The following NMNAT2 variants were observed in gnomAD, a reference collection of about 807,000 sequenced individuals.
The protein encoded by NMNAT2 is nicotinamide/nicotinic acid mononucleotide adenylyltransferase 2.
In NMNAT2, 11 loss-of-function variants were observed where a neutral mutation model predicts 41.6. The ratio of observed to expected loss-of-function variants is 0.26; its 90% CI spans 0.17 to 0.44. NMNAT2 has a LOEUF of 0.44. Among genes scored for constraint, NMNAT2 ranks in the 20% least tolerant of loss-of-function variants. The probability of loss-of-function intolerance (pLI) is 1.00; values close to 1 mark genes in which losing one functional copy is unlikely to be tolerated. For missense variants in NMNAT2, 288 were observed against 407.7 expected (o/e 0.71, Z 2.53); for synonymous variants, 148 against 151.2 (o/e 0.98, Z 0.16).
intron 10 of NMNAT2, 151 bp from the exon 11 acceptor site, chr1:183,252,894 C>T: frequency 5.0e-6 from 3 of 605,716 alleles, no homozygotes; most frequent in Non-Finnish European, 5.9e-6. Context: ...CTTGCCTCCA[C>T]AACTCCTTCC....
At chr1:183,344,762 A>T (rs1662889513) in intron 1 of NMNAT2, among the ~76,000 whole-genome samples, 1 of 152,202 alleles carries the variant, frequency 6.6e-6, no homozygotes, top group South Asian at 2.1e-4. Flanking sequence ...ACGAAGTACG[A>T]GGCATTTAAA....
In NMNAT2 at chr1:183,293,179, T is replaced by G. The variant is rs534295778; in HGVS notation, c.175-322A>C. On this transcript the variant is annotated intron_variant, in intron 2 of 10. Coordinates refer to ENST00000287713, the MANE Select transcript of NMNAT2 (RefSeq NM_015039.4). ...TGTGGCCTTGTCTTATGGCTCAGTC[T>G]GGCTGGTTAGGTGAGTTTCCCCAGA... 1.1e-4 allele frequency among the ~76,000 whole-genome samples: 16 copies of G among 152,324 alleles called. No homozygotes were observed. The South Asian group carries it at 3.3e-3, about 32-fold the overall frequency.
At chr1:183,297,557 T>C (rs1390922510) in intron 1 of NMNAT2, among the ~76,000 whole-genome samples, 1 of 152,124 alleles carries the variant, frequency 6.6e-6, no homozygotes, top group Non-Finnish European at 1.5e-5. Context: ...TAATTTTGTA[T>C]TTTTAGTAGA....
At chr1:183,310,862 G>A (rs955331796) in intron 1 of NMNAT2, among the ~76,000 whole-genome samples, 2 of 147,718 alleles carry the variant, frequency 1.4e-5, no homozygotes, top group Admixed American at 1.4e-4. Context: ...AAAAAAAAAA[G>A]CAGGGGCATT....
chr1:183,292,893 T>C, intron 2 of NMNAT2, 36 bp from the exon 3 acceptor site: 8 of 1,601,854 alleles, frequency 5.0e-6, no homozygotes, highest in Non-Finnish European at 6.8e-6. Context: ...GGAGACTCCC[T>C]CCGTTCCCCA....
At chr1:183,328,425 G>T in intron 1 of NMNAT2, among the ~76,000 whole-genome samples, 1 of 152,192 alleles carries the variant, frequency 6.6e-6, no homozygotes, top group East Asian at 1.9e-4. Flanking sequence ...TCTAGAATTT[G>T]CCATTTCTGC....
At chr1:183,255,271 CT>C (rs1660486717) in intron 10 of NMNAT2, among the ~76,000 whole-genome samples, 1 of 152,274 alleles carries the variant, frequency 6.6e-6, no homozygotes, top group East Asian at 1.9e-4. Context: ...TTCCACTGCT[CT>C]ATGTGTCTGC....
At chr1:183,269,207 A>G (rs1054716080) in intron 8 of NMNAT2, among the ~76,000 whole-genome samples, 2 of 152,240 alleles carry the variant, frequency 1.3e-5, no homozygotes, top group Non-Finnish European at 2.9e-5. Context: ...GAGGATTCCC[A>G]ATGAGGCCAC....
chr1:183,255,825 A>G (rs1170868751), intron 10 of NMNAT2, among the ~76,000 whole-genome samples: 1 of 151,932 alleles, frequency 6.6e-6, no homozygotes, highest in Non-Finnish European at 1.5e-5. Context: ...CACAATGCCC[A>G]GCTAATTTTT....
At chr1:183,295,290 C>T (rs754766248) in intron 1 of NMNAT2, among the ~76,000 whole-genome samples, 2 of 152,024 alleles carry the variant, frequency 1.3e-5, no homozygotes, top group African/African-American at 2.4e-5. Flanking sequence ...GCATGAGCCA[C>T]GGCACTTGGC....
intron 8 of NMNAT2, among the ~76,000 whole-genome samples, chr1:183,270,740 T>G (rs1244910089): frequency 6.6e-6 from 1 of 152,140 alleles, no homozygotes; most frequent in Middle Eastern, 3.2e-3. Context: ...CCCCTGAGAC[T>G]GTAATTTGGT....
intron 1 of NMNAT2, among the ~76,000 whole-genome samples, chr1:183,364,389 A>G (rs991591870): frequency 6.6e-6 from 1 of 152,216 alleles, no homozygotes; most frequent in Non-Finnish European, 1.5e-5. Flanking sequence ...CTGGTATCCC[A>G]TTGGCAACTC....
At chr1:183,267,320 A>C (rs1162237100) in intron 8 of NMNAT2, 5 of 152,158 alleles carry the variant, frequency 3.3e-5, no homozygotes, top group Admixed American at 3.3e-4. Context: ...ATTTGTGAAA[A>C]ATAAAAGAAA....
intron 1 of NMNAT2, among the ~76,000 whole-genome samples, chr1:183,296,706 G>T (rs1661709213): frequency 6.6e-6 from 1 of 151,930 alleles, no homozygotes; most frequent in Non-Finnish European, 1.5e-5. Context: ...TAGAGATGGG[G>T]TTTCACCATG....
At chr1:183,276,160 C>T (rs1483793482) in intron 8 of NMNAT2, among the ~76,000 whole-genome samples, 2 of 152,100 alleles carry the variant, frequency 1.3e-5, no homozygotes, top group African/African-American at 4.8e-5. Flanking sequence ...CCAGATGGGA[C>T]AGAAATTCTA....
intron 1 of NMNAT2, chr1:183,304,610 C>T: frequency 1.3e-6 from 2 of 1,484,328 alleles, no homozygotes; most frequent in South Asian, 2.3e-5. Context: ...TCTTGACCAT[C>T]TGCACCTCCC....
chr1:183,390,342 G>C (rs1009487033), intron 1 of NMNAT2, among the ~76,000 whole-genome samples: 1 of 152,134 alleles, frequency 6.6e-6, no homozygotes, highest in African/African-American at 2.4e-5. Flanking sequence ...CCCTAATCTT[G>C]TCTCCATGCC....
At chr1:183,256,800 A>C (rs1315565121) in intron 10 of NMNAT2, among the ~76,000 whole-genome samples, 1 of 151,934 alleles carries the variant, frequency 6.6e-6, no homozygotes, top group Non-Finnish European at 1.5e-5. Context: ...CCCAGGCTGG[A>C]GTGCAGCAGC....
intron 9 of NMNAT2, 55 bp downstream of exon 9, chr1:183,261,147 A>G: frequency 6.2e-7 from 1 of 1,602,502 alleles, no homozygotes; most frequent in Non-Finnish European, 8.6e-7. Context: ...TCCAGCTGCC[A>G]GGACTCTCAG....
Sources: gnomAD v4.1 joint callset for allele counts (sites outside exome capture counted in the v4.1 genomes callset) on GRCh38, gnomAD v4.1.1 for gene constraint, MANE v1.5 for transcripts, NCBI Gene and HGNC (gene_info 2026-07-23, HGNC 2026-07-21) for gene names.